The following EPB41 variants were observed in gnomAD, a reference collection of about 807,000 sequenced individuals.
EPB41 encodes the protein protein 4.1.
EPB41 carries 65 observed loss-of-function variants against 108.0 expected under a neutral mutation model. The ratio of observed to expected loss-of-function variants is 0.60; its 90% confidence interval spans 0.49 to 0.74. The LOEUF is 0.74. Ranked by LOEUF, EPB41 falls within the 30% of genes least tolerant of loss-of-function variation. The probability of loss-of-function intolerance (pLI) is 0.00; values close to 1 mark genes in which losing one functional copy is unlikely to be tolerated. For synonymous variants in EPB41, 336 were observed against 358.9 expected (o/e 0.94, Z 0.72); for missense variants, 875 against 1,037.0 (o/e 0.84, Z 2.15).
At chr1:28,943,146 C>T (rs1313406264) in intron 1 of EPB41, among the ~76,000 whole-genome samples, 1 of 152,026 alleles carries the variant, frequency 6.6e-6, no homozygotes, top group Non-Finnish European at 1.5e-5. Context: ...CAACTCTGGC[C>T]AGTGAAACAA....
At chr1:28,938,346 T>C (rs2094134295) in intron 1 of EPB41, among the ~76,000 whole-genome samples, 1 of 152,216 alleles carries the variant, frequency 6.6e-6, no homozygotes, top group Non-Finnish European at 1.5e-5. Flanking sequence ...TGGGATTTTT[T>C]CCGCTTATTT....
intron 1 of EPB41, among the ~76,000 whole-genome samples, chr1:28,915,731 C>CTTTTTTTTTTTTTTTTTTTTTTGTTTT (rs11321625): frequency 7.1e-5 from 4 of 56,074 alleles, no homozygotes; most frequent in Non-Finnish European, 1.2e-4. Flanking sequence ...TTTTCAGATG[C>CTTTTTTTTTTTTTTTTTTTTTTGTTTT]TTTTTTTTTT....
intron 9 of EPB41, among the ~76,000 whole-genome samples, chr1:29,034,407 G>T (rs1638581828): frequency 6.6e-6 from 1 of 152,164 alleles, no homozygotes; most frequent in African/African-American, 2.4e-5. Context: ...AAGTATTGTG[G>T]CAGCAGTAGA....
At chr1:28,969,623 G>A (rs1229110777) in intron 1 of EPB41, among the ~76,000 whole-genome samples, 1 of 151,856 alleles carries the variant, frequency 6.6e-6, no homozygotes, top group Admixed American at 6.6e-5. Context: ...AAATTGGCCG[G>A]TCGCAGTGGC....
intron 11 of EPB41, among the ~76,000 whole-genome samples, chr1:29,046,471 T>G (rs1483287396): frequency 1.3e-5 from 2 of 152,172 alleles, no homozygotes; most frequent in Non-Finnish European, 2.9e-5. Context: ...TGTGGATTAT[T>G]TGGGGTATAC....
chr1:29,069,528 A>G (rs1025930998), intron 16 of EPB41: 3 of 956,536 alleles, frequency 3.1e-6, no homozygotes, highest in African/African-American at 1.7e-5. Flanking sequence ...TTTAAAATGT[A>G]TAAGATTAAG....
chr1:29,111,414 T>C (rs1338695561), intron 18 of EPB41, among the ~76,000 whole-genome samples: 3 of 152,044 alleles, frequency 2.0e-5, no homozygotes, highest in South Asian at 4.1e-4. Context: ...CCCAGCACTT[T>C]GGGAGGCCGG....
chr1:28,900,760 G>A (rs866238283), intron 1 of EPB41, among the ~76,000 whole-genome samples: 10 of 152,068 alleles, frequency 6.6e-5, no homozygotes, highest in South Asian at 2.1e-4. Context: ...ATGACGAGAG[G>A]CATGATCCCA....
chr1:28,914,102 T>C (rs1356046541), upstream of EPB41, among the ~76,000 whole-genome samples: 2 of 152,190 alleles, frequency 1.3e-5, no homozygotes, highest in Non-Finnish European at 2.9e-5. Flanking sequence ...CTGAGTGACT[T>C]ACCCGAGGTC....
upstream of EPB41, chr1:28,911,271 C>T (rs1427982510): frequency 3.0e-6 from 2 of 667,498 alleles, no homozygotes; most frequent in Non-Finnish European, 3.7e-6. Context: ...TTACAGTTTA[C>T]AAAGCCCTTT....
At chr1:29,025,316 T>C (rs367781675) in intron 7 of EPB41, among the ~76,000 whole-genome samples, 12 of 152,174 alleles carry the variant, frequency 7.9e-5, no homozygotes, top group East Asian at 7.7e-4. Context: ...AGCTCTATCC[T>C]GATTGCACTT....
At chr1:28,960,420 A>G (rs1571425484) in intron 1 of EPB41, among the ~76,000 whole-genome samples, 1 of 151,780 alleles carries the variant, frequency 6.6e-6, no homozygotes, top group Non-Finnish European at 1.5e-5. Context: ...TTACCCCTAC[A>G]ATAAATGGTC....
intron 1 of EPB41, among the ~76,000 whole-genome samples, chr1:28,941,338 C>T (rs2094277718): frequency 6.6e-6 from 1 of 152,074 alleles, no homozygotes; most frequent in Non-Finnish European, 1.5e-5. Flanking sequence ...TGTGATTGCA[C>T]CACTGCTCTC....
intron 1 of EPB41, among the ~76,000 whole-genome samples, chr1:28,905,632 C>A (rs1285067929): frequency 6.6e-6 from 1 of 152,088 alleles, no homozygotes; most frequent in Non-Finnish European, 1.5e-5. Flanking sequence ...TGACTCCAGC[C>A]TCCAGAACTG....
intron 1 of EPB41, among the ~76,000 whole-genome samples, chr1:28,896,194 G>A (rs1468979569): frequency 1.3e-5 from 2 of 152,170 alleles, no homozygotes; most frequent in East Asian, 1.9e-4. Flanking sequence ...AAATAGTGAG[G>A]CACATGGTGA....
chr1:28,934,666 TTGTG>T (rs1204147204), intron 1 of EPB41, among the ~76,000 whole-genome samples: 8 of 136,306 alleles, frequency 5.9e-5, no homozygotes, highest in Non-Finnish European at 7.7e-5. Context: ...TCTTTTGACA[TTGTG>T]TGTGTGTGTG....
At chr1:28,947,249 AATACAAAAATTAGC>A (rs2094516385) in intron 1 of EPB41, among the ~76,000 whole-genome samples, 1 of 152,096 alleles carries the variant, frequency 6.6e-6, no homozygotes, top group African/African-American at 2.4e-5. Flanking sequence ...ATCCACTAAA[AATACAAAAATTAGC>A]TGGGTGTGGT....
rs145487070 is a variant in EPB41, at chr1:28,966,892, G to A, written c.-7-20539G>A. Among the ~76,000 whole-genome samples the A allele has an allele frequency of 2.2e-3, 333 of 152,170 alleles. 2 individuals carry two copies. Among genetic ancestry groups the A allele is most frequent in the African/African-American group, 7.3e-3 (304 of 41,500 alleles). On this transcript the variant is annotated intron_variant, in intron 1 of 20. Transcript: ENST00000343067. ...TGAATGGCAGGAAATGTCTTTGGAGGGTTTCTGGTCAGTGGATGATCTAAC... is the reference window on the plus strand; with the variant it reads ...TGAATGGCAGGAAATGTCTTTGGAGAGTTTCTGGTCAGTGGATGATCTAAC...
intron 7 of EPB41, among the ~76,000 whole-genome samples, chr1:29,023,186 G>T (rs1054940001): frequency 5.9e-5 from 9 of 151,530 alleles, no homozygotes; most frequent in Admixed American, 2.0e-4. Context: ...GCAGAGACAG[G>T]GTTTCACCAT....
Sources: allele counts gnomAD v4.1 joint callset (sites outside exome capture counted in the v4.1 genomes callset), GRCh38; gene constraint gnomAD v4.1.1; transcripts MANE v1.5; gene names NCBI Gene and HGNC (gene_info 2026-07-23, HGNC 2026-07-21).